ACAN: variants seen among roughly 807,000 people sequenced by gnomAD.
ACAN encodes the protein aggrecan.
In ACAN, 47 loss-of-function variants were observed where a neutral mutation model predicts 169.1. The observed-to-expected ratio is 0.28, with a 90% CI of 0.22 to 0.35. The LOEUF (loss-of-function observed/expected upper bound fraction) is 0.35, where lower values mean the gene tolerates loss of function less well. Ranked by LOEUF, ACAN falls within the 10% of genes least tolerant of loss-of-function variation. The pLI, the probability that ACAN is intolerant of heterozygous loss-of-function variation, is 1.00. For synonymous variants in ACAN, 1,115 were observed against 1,112.2 expected, an observed-to-expected ratio of 1.00 and a Z score of -0.05; for missense variants, 2,716 against 2,759.9, an observed-to-expected ratio of 0.98 and a Z score of 0.36.
intron 1 of ACAN, among the ~76,000 whole-genome samples, chr15:88,828,238 A>C (rs1896273734): frequency 6.6e-6 from 1 of 152,146 alleles, no homozygotes; most frequent in Non-Finnish European, 1.5e-5. Flanking sequence ...CTGTGTGAGC[A>C]AAAGAAGGGA....
At chr15:88,842,623 G>C (rs562718491) in intron 5 of ACAN, among the ~76,000 whole-genome samples, 1 of 151,780 alleles carries the variant, frequency 6.6e-6, no homozygotes, top group South Asian at 2.1e-4. Context: ...TCTCACCATC[G>C]TAGGCCCCCT....
At chr15:88,834,889 T>C (rs1333196456) in intron 1 of ACAN, among the ~76,000 whole-genome samples, 2 of 152,204 alleles carry the variant, frequency 1.3e-5, no homozygotes, top group African/African-American at 4.8e-5. Flanking sequence ...TTGAGAGCAC[T>C]GCTCTGGTGG....
chr15:88,819,353 C>A (rs1596116502), intron 1 of ACAN, among the ~76,000 whole-genome samples: 1 of 152,092 alleles, frequency 6.6e-6, no homozygotes, highest in African/African-American at 2.4e-5. Flanking sequence ...TATTCTGCAG[C>A]CCTGAGGTAC....
chr15:88,810,794 G>C (rs59619550), intron 1 of ACAN, among the ~76,000 whole-genome samples: 3 of 152,058 alleles, frequency 2.0e-5, no homozygotes, highest in Non-Finnish European at 4.4e-5. Flanking sequence ...TCAGTGAGAT[G>C]GGGGCTTGGA....
At chr15:88,808,208 T>C (rs1315097518) in intron 1 of ACAN, among the ~76,000 whole-genome samples, 1 of 152,214 alleles carries the variant, frequency 6.6e-6, no homozygotes, top group African/African-American at 2.4e-5. Flanking sequence ...CTTCCAGGCC[T>C]GTGATGGTCC....
At chr15:88,862,934 G>T (rs1897224297) in intron 13 of ACAN, among the ~76,000 whole-genome samples, 2 of 150,794 alleles carry the variant, frequency 1.3e-5, no homozygotes, top group South Asian at 2.1e-4. Context: ...GGAGGCGGAG[G>T]TTGCAGTGAG....
At chr15:88,815,686 A>C (rs1196240748) in intron 1 of ACAN, among the ~76,000 whole-genome samples, 1 of 139,704 alleles carries the variant, frequency 7.2e-6, no homozygotes, top group Non-Finnish European at 1.5e-5. Context: ...AAAAAGAAGG[A>C]GCCATTGAGA....
In ACAN at chr15:88,860,072, C is replaced by CTTTTTTTTTTTTT. The variant is rs57985365; in HGVS notation, c.6833-245_6833-233dup. Among the ~76,000 whole-genome samples the CTTTTTTTTTTTTT allele has an allele frequency of 9.0e-4, 93 of 102,890 alleles. 4 individuals carry two copies. The highest frequency in any genetic ancestry group is 2.7e-3 in the African/African-American group (58 of 21,162). The allele number at this position is 102,890 out of a possible 152,430, so 67.5% of individuals were successfully genotyped here. ...GCACTGGTAGCGGTAGCTGATTTTC[C>CTTTTTTTTTTTTT]TTTTTTTTTTTTTTTTTTTTTGCTC... On this transcript the variant is annotated intron_variant, in intron 12 of 18. Coordinates refer to ENST00000560601, the MANE Select transcript of ACAN (RefSeq NM_001369268.1).
At chr15:88,826,183 G>T (rs1306972887) in intron 1 of ACAN, among the ~76,000 whole-genome samples, 2 of 152,152 alleles carry the variant, frequency 1.3e-5, no homozygotes. Context: ...TTGACTAGTA[G>T]GAATCCAGAT....
chr15:88,871,909 T>A lies in ACAN; in HGVS notation c.7220-94T>A. ...CTCCTAGGAGCCCACCCACCTCCTT[T>A]CCTCCTCCATCCCCTCTGCCTCCGT... On this transcript the variant is annotated intron_variant, in intron 15 of 18. Coordinates refer to ENST00000560601, the MANE Select transcript of ACAN (RefSeq NM_001369268.1). The surrounding 1 kb of genome is among the most constrained non-coding windows in gnomAD (Gnocchi z 7.8). 8.6e-7 allele frequency: 1 copy of A among 1,156,364 alleles called. No homozygotes were observed. Among genetic ancestry groups the A allele is most frequent in the Non-Finnish European group, 1.3e-6 (1 of 765,484 alleles). 71.6% of individuals were successfully genotyped at this position (1,156,364 alleles called of 1,614,324 possible).
intron 9 of ACAN, 23 bp downstream of exon 9, chr15:88,848,061 T>C (rs1394778394): frequency 1.2e-6 from 2 of 1,610,474 alleles, no homozygotes; most frequent in East Asian, 2.2e-5. Context: ...TTCTCACATT[T>C]CGGGCCCTAG....
chr15:88,870,421 T>C lies in ACAN; in HGVS notation c.7061-961T>C, dbSNP rs775684279. Among the ~76,000 whole-genome samples, 5 of 152,182 alleles carry C rather than the reference T, an allele frequency of 3.3e-5. No individual in the cohort carries two copies. Among genetic ancestry groups the C allele is most frequent in the Non-Finnish European group, 7.3e-5 (5 of 68,028 alleles). ...CTGTCCCACACTGTGCTGGCAGATGTTTAACAACCAGCTCTCATAGAGGAG... is the reference window on the plus strand; with the variant it reads ...CTGTCCCACACTGTGCTGGCAGATGCTTAACAACCAGCTCTCATAGAGGAG... On this transcript the variant is annotated intron_variant, in intron 14 of 18. Transcript: ENST00000560601. This position sits in a 1 kb window ranked among gnomAD's most constrained non-coding sequence, Gnocchi z 6.3.
chr15:88,852,617 G>C (rs1896956127), intron 11 of ACAN, among the ~76,000 whole-genome samples: 1 of 152,224 alleles, frequency 6.6e-6, no homozygotes, highest in Admixed American at 6.5e-5. Context: ...GGCCACTAAA[G>C]TTTGGGAAAT....
In ACAN at chr15:88,836,133, A is replaced by ACGT. The variant is rs1420000752; in HGVS notation, c.-7-66_-7-65insGTC. 4 of 1,143,794 alleles carry ACGT rather than the reference A, an allele frequency of 3.5e-6. No individual in the cohort carries two copies. The Admixed American group carries it at 5.5e-5, about 16-fold the overall frequency. 70.9% of individuals were successfully genotyped at this position (1,143,794 alleles called of 1,614,324 possible). ...GAATTATCACTTTGCATCATATGTC[A>ACGT]CATGACTCTGCTTGACCTCACCATG... On this transcript the variant is annotated intron_variant, in intron 1 of 18. Coordinates refer to ENST00000560601, the MANE Select transcript of ACAN (RefSeq NM_001369268.1).
At chr15:88,847,594 C>T (rs569533382) in intron 8 of ACAN, among the ~76,000 whole-genome samples, 177 bp downstream of exon 8, 4 of 152,294 alleles carry the variant, frequency 2.6e-5, no homozygotes, top group African/African-American at 9.6e-5. Flanking sequence ...GAGTAATGTT[C>T]AGTTCTTGGT....
chr15:88,831,500 G>A (rs974872476), intron 1 of ACAN, among the ~76,000 whole-genome samples: 18 of 152,220 alleles, frequency 1.2e-4, no homozygotes, highest in Middle Eastern at 3.2e-3. Context: ...CTTCTAAGAC[G>A]TACGGGCTGC....
chr15:88,807,871 A>G lies in ACAN; in HGVS notation c.-8+4062A>G, dbSNP rs1895725757. Among the ~76,000 whole-genome samples the G allele has an allele frequency of 6.6e-6, 1 of 151,640 alleles. No homozygotes were observed. Among genetic ancestry groups the G allele is most frequent in the Admixed American group, 6.6e-5 (1 of 15,226 alleles). On this transcript the variant is annotated intron_variant, in intron 1 of 18. Transcript: ENST00000560601. This position sits in a 1 kb window ranked among gnomAD's most constrained non-coding sequence, Gnocchi z 4.0. ...TCTCAATGGCCTTACAGTGTATCCTAAAGAAGCTTTTTGTTAAACTCATGA... is the reference window on the plus strand; with the variant it reads ...TCTCAATGGCCTTACAGTGTATCCTGAAGAAGCTTTTTGTTAAACTCATGA...
At chr15:88,821,182 G>A (rs1456975146) in intron 1 of ACAN, among the ~76,000 whole-genome samples, 1 of 152,154 alleles carries the variant, frequency 6.6e-6, no homozygotes, top group Admixed American at 6.5e-5. Flanking sequence ...TGGAGACACA[G>A]CCAAACTATA....
rs542087162 is a variant in ACAN, at chr15:88,872,274, GCT to G, written c.7302+190_7302+191del. Among the ~76,000 whole-genome samples, 8 of 152,206 alleles carry G rather than the reference GCT, an allele frequency of 5.3e-5. No individual in the cohort carries two copies. The highest frequency in any genetic ancestry group is 9.6e-5 in the African/African-American group (4 of 41,460). ...CCCAGCCCGGGGCTGGACAGATTGA[GCT>G]AATGATGGCAAGAGGCAAGGAGCCA... On this transcript the variant is annotated intron_variant, in intron 16 of 18. Coordinates refer to ENST00000560601, the MANE Select transcript of ACAN (RefSeq NM_001369268.1). The surrounding 1 kb of genome is among the most constrained non-coding windows in gnomAD (Gnocchi z 5.4).
Sources: allele counts gnomAD v4.1 joint callset (sites outside exome capture counted in the v4.1 genomes callset), GRCh38; gene constraint gnomAD v4.1.1; non-coding constraint Gnocchi (gnomAD v3.1); transcripts MANE v1.5; gene names NCBI Gene and HGNC (gene_info 2026-07-23, HGNC 2026-07-21).